The following TRHDE variants were observed in gnomAD, a reference collection of about 807,000 sequenced individuals.
The protein encoded by TRHDE is thyrotropin releasing hormone degrading enzyme.
In TRHDE, 72 loss-of-function variants were observed where a neutral mutation model predicts 125.7. That is an observed-to-expected ratio of 0.57 (90% CI 0.47 to 0.70). TRHDE has a LOEUF of 0.70. TRHDE is among the 30% of genes least tolerant of loss of function. The probability of loss-of-function intolerance (pLI) is 0.00; values close to 1 mark genes in which losing one functional copy is unlikely to be tolerated. For missense variants in TRHDE, 1,110 were observed against 1,327.1 expected, an observed-to-expected ratio of 0.84 and a Z score of 2.54; for synonymous variants, 509 against 509.1, an observed-to-expected ratio of 1.00 and a Z score of 0.00.
intron 3 of TRHDE, among the ~76,000 whole-genome samples, chr12:72,420,197 G>A (rs1290350652): frequency 1.3e-5 from 2 of 151,396 alleles, no homozygotes; most frequent in Non-Finnish European, 3.0e-5. Flanking sequence ...ACTAAAATTA[G>A]ATTGAATGCA....
intron 15 of TRHDE, among the ~76,000 whole-genome samples, chr12:72,639,444 G>A (rs1873932376): frequency 1.3e-5 from 2 of 152,110 alleles, no homozygotes; most frequent in Non-Finnish European, 2.9e-5. Flanking sequence ...TTTGCCTTTG[G>A]TTTGAATGTC....
At chr12:72,178,519 GA>G (rs1877034260) in intron 2 of TRHDE, among the ~76,000 whole-genome samples, 1 of 152,016 alleles carries the variant, frequency 6.6e-6, no homozygotes, top group East Asian at 1.9e-4. Context: ...TTACTAACTA[GA>G]AATATCTCAA....
chr12:72,350,447 ATCT>A (rs1310259545), intron 2 of TRHDE, among the ~76,000 whole-genome samples: 2 of 152,064 alleles, frequency 1.3e-5, no homozygotes, highest in Admixed American at 6.6e-5. Context: ...ATATATTATA[ATCT>A]TCTTTTTGTA....
intron 2 of TRHDE, chr12:72,253,876 T>G (rs1227200907): frequency 1.3e-5 from 2 of 152,084 alleles, no homozygotes; most frequent in African/African-American, 2.4e-5. Context: ...CTATGAAAAT[T>G]GAGTCTTGGT....
chr12:72,225,500 G>A (rs976857848), intron 2 of TRHDE, among the ~76,000 whole-genome samples: 24 of 152,152 alleles, frequency 1.6e-4, no homozygotes, highest in Non-Finnish European at 3.2e-4. Flanking sequence ...GGTAATGGGA[G>A]GATGAAGTAT....
intron 2 of TRHDE, 21 bp from the exon 3 acceptor site, chr12:72,377,974 T>A: frequency 6.5e-7 from 1 of 1,532,578 alleles, no homozygotes; most frequent in Non-Finnish European, 8.8e-7. Flanking sequence ...TAAAGTAACT[T>A]TTATATATAT....
At chr12:72,144,403 G>A (rs189521158) in intron 2 of TRHDE, among the ~76,000 whole-genome samples, 14 of 152,276 alleles carry the variant, frequency 9.2e-5, no homozygotes, top group Admixed American at 7.2e-4. Flanking sequence ...AATGTCCTAG[G>A]GGCATAACTT....
chr12:72,163,770 G>C (rs941181466), intron 2 of TRHDE, among the ~76,000 whole-genome samples: 1 of 152,150 alleles, frequency 6.6e-6, no homozygotes, highest in African/African-American at 2.4e-5. Context: ...TCTTAGAATG[G>C]GTTTAACATG....
At chr12:72,525,390 C>G (rs926480740) in intron 6 of TRHDE, among the ~76,000 whole-genome samples, 9 of 151,826 alleles carry the variant, frequency 5.9e-5, no homozygotes, top group African/African-American at 2.2e-4. Flanking sequence ...CTAAAAATAT[C>G]AAGTCTTTTA....
intron 2 of TRHDE, among the ~76,000 whole-genome samples, chr12:72,301,766 A>T (rs1358311515): frequency 6.6e-6 from 1 of 152,182 alleles, no homozygotes; most frequent in Non-Finnish European, 1.5e-5. Flanking sequence ...TGGCAGCTAC[A>T]CAGGTAAGAT....
chr12:72,295,566 A>G (rs564303041), intron 2 of TRHDE, among the ~76,000 whole-genome samples: 1 of 152,230 alleles, frequency 6.6e-6, no homozygotes, highest in East Asian at 1.9e-4. Flanking sequence ...GACACACACA[A>G]TTTACAATGG....
chr12:72,350,412 G>A (rs1357234426), intron 2 of TRHDE, among the ~76,000 whole-genome samples: 1 of 151,962 alleles, frequency 6.6e-6, no homozygotes, highest in Non-Finnish European at 1.5e-5. Context: ...CAATATATTA[G>A]TTACATAATG....
chr12:72,178,454 A>G (rs1029692945), intron 2 of TRHDE, among the ~76,000 whole-genome samples: 5 of 152,132 alleles, frequency 3.3e-5, no homozygotes, highest in Non-Finnish European at 5.9e-5. Context: ...GCAATAGACC[A>G]AACATTTTAT....
At chr12:72,198,760 G>C (rs1288349271) in intron 2 of TRHDE, among the ~76,000 whole-genome samples, 9 of 152,144 alleles carry the variant, frequency 5.9e-5, no homozygotes, top group Admixed American at 5.9e-4. Context: ...GTCAAGGTGA[G>C]TGTATTAGTC....
chr12:72,171,443 G>A (rs553280292), intron 2 of TRHDE, among the ~76,000 whole-genome samples: 15 of 152,094 alleles, frequency 9.9e-5, no homozygotes, highest in African/African-American at 3.1e-4. Context: ...ATGAGAAAGG[G>A]GACTTTTTCT....
intron 2 of TRHDE, among the ~76,000 whole-genome samples, chr12:72,341,938 C>A (rs1348818172): frequency 6.6e-6 from 1 of 151,942 alleles, no homozygotes; most frequent in Non-Finnish European, 1.5e-5. Flanking sequence ...TTTGGAAGAA[C>A]TAGTCTACAG....
At chr12:72,228,140 G>A (rs140645556) in intron 2 of TRHDE, among the ~76,000 whole-genome samples, 2 of 152,256 alleles carry the variant, frequency 1.3e-5, no homozygotes, top group Non-Finnish European at 2.9e-5. Context: ...GACTCTGTGT[G>A]GGGGCTCCAA....
intron 2 of TRHDE, among the ~76,000 whole-genome samples, chr12:72,259,098 A>C (rs142758857): frequency 6.9e-4 from 105 of 152,242 alleles, no homozygotes; most frequent in African/African-American, 2.4e-3. Flanking sequence ...TTCATCCACT[A>C]ATTTTAGTAT....
intron 2 of TRHDE, among the ~76,000 whole-genome samples, chr12:72,374,838 TA>T (rs1280546122): frequency 1.3e-5 from 2 of 151,914 alleles, no homozygotes; most frequent in Non-Finnish European, 2.9e-5. Context: ...CAAGGGAGAC[TA>T]AAAAAAGGTA....
Sources: gnomAD v4.1 joint callset for allele counts (sites outside exome capture counted in the v4.1 genomes callset) on GRCh38, gnomAD v4.1.1 for gene constraint, MANE v1.5 for transcripts, NCBI Gene and HGNC (gene_info 2026-07-23, HGNC 2026-07-21) for gene names.